LYPD6B: variants seen among roughly 807,000 people sequenced by gnomAD.
The protein encoded by LYPD6B is LY6/PLAUR domain containing 6B, also known as ly6/PLAUR domain-containing protein 6B.
LYPD6B carries 17 observed loss-of-function variants against 22.8 expected under a neutral mutation model. That is an observed-to-expected ratio of 0.75 (90% CI 0.51 to 1.12). The LOEUF (loss-of-function observed/expected upper bound fraction) is 1.12, where lower values mean the gene tolerates loss of function less well. LYPD6B is among the 50% of genes most tolerant of loss of function. The probability of loss-of-function intolerance (pLI) is 0.00; values close to 1 mark genes in which losing one functional copy is unlikely to be tolerated. For synonymous variants in LYPD6B, 106 were observed against 91.6 expected (o/e 1.16, Z -0.90); for missense variants, 221 against 258.3 (o/e 0.86, Z 0.99).
chr2:149,075,165 AT>A (rs1165204105), intron 1 of LYPD6B, among the ~76,000 whole-genome samples: 20 of 152,168 alleles, frequency 1.3e-4, no homozygotes, highest in African/African-American at 4.6e-4. Context: ...TATGCTTTTG[AT>A]TTTTAAATTC....
chr2:149,157,716 C>G (rs1235824500), intron 2 of LYPD6B, among the ~76,000 whole-genome samples: 3 of 152,196 alleles, frequency 2.0e-5, no homozygotes, highest in Non-Finnish European at 4.4e-5. Context: ...GGAGCCTCTC[C>G]CCTTTTCTTT....
At chr2:149,067,330 T>G (rs1196546835) in intron 1 of LYPD6B, among the ~76,000 whole-genome samples, 1 of 152,166 alleles carries the variant, frequency 6.6e-6, no homozygotes, top group Non-Finnish European at 1.5e-5. Flanking sequence ...ATTATGATCC[T>G]TAATAAATAT....
intron 1 of LYPD6B, among the ~76,000 whole-genome samples, chr2:149,068,306 G>A (rs1446394508): frequency 6.6e-6 from 1 of 152,036 alleles, no homozygotes; most frequent in Non-Finnish European, 1.5e-5. Context: ...TTATGTCCAC[G>A]AGTTAGACTC....
At position 149,214,655 on chromosome 2, in the gene LYPD6B, C is replaced by G; in HGVS notation, c.569C>G (p.Ala190Gly). 6.2e-7 allele frequency: 1 copy of G among 1,613,918 alleles called. No individual in the cohort carries two copies. The highest frequency in any genetic ancestry group is 8.5e-7 in the Non-Finnish European group (1 of 1,179,838). Reference protein sequence around the residue: ...MHAQRTSGSSAPTLYLPVLAW... With the variant: ...MHAQRTSGSSGPTLYLPVLAW... Reference sequence around the variant, plus strand: ...GCTCAGAGAACATCTGGCAGCAGTGCCCCCACACTCTACCTACCAGTGCTT... The same window carrying G: ...GCTCAGAGAACATCTGGCAGCAGTGGCCCCACACTCTACCTACCAGTGCTT... Residue 190 changes from alanine (A) to glycine (G), a missense_variant, in exon 7 of 7, where the codon GCC becomes GGC. Coordinates refer to ENST00000409642, the MANE Select transcript of LYPD6B (RefSeq NM_177964.5).
At chr2:149,112,926 C>T (rs1686828017) in intron 1 of LYPD6B, among the ~76,000 whole-genome samples, 1 of 151,978 alleles carries the variant, frequency 6.6e-6, no homozygotes, top group African/African-American at 2.4e-5. Context: ...ACAAAGAGTT[C>T]CTTTAAATAG....
intron 3 of LYPD6B, among the ~76,000 whole-genome samples, chr2:149,171,445 C>G (rs1365223109): frequency 6.6e-6 from 1 of 151,926 alleles, no homozygotes; most frequent in Admixed American, 6.6e-5. Flanking sequence ...TGCAAAATTC[C>G]CCTTCCCTTT....
chr2:149,126,282 G>A (rs1375673832), intron 1 of LYPD6B, among the ~76,000 whole-genome samples: 3 of 152,074 alleles, frequency 2.0e-5, no homozygotes, highest in Admixed American at 6.6e-5. Flanking sequence ...TGGGCTTAGG[G>A]GTGCTGACCC....
In LYPD6B at chr2:149,160,832, C is replaced by G. The variant is rs1329624806; in HGVS notation, c.74C>G (p.Ser25Ter). 1 of 1,550,962 alleles carries G rather than the reference C, an allele frequency of 6.4e-7. No individual in the cohort carries two copies. Among genetic ancestry groups the G allele is most frequent in the Non-Finnish European group, 8.7e-7 (1 of 1,145,966 alleles). ...AGCCTGACAACCACATTCTCCTTCTCAAGGTAAGAATGGCAGCTGTTACAA... is the reference window on the plus strand; with the variant it reads ...AGCCTGACAACCACATTCTCCTTCTGAAGGTAAGAATGGCAGCTGTTACAA... ...ERSLTTTFSFSRYKSSDRPAH... is the reference protein window; with the variant it reads ...ERSLTTTFSF The change falls in exon 3 of 7, where the codon TCA (serine) becomes TGA (stop). Residue 25 changes from serine to a stop codon, truncating the protein, a stop_gained. Transcript: ENST00000409642. LOFTEE classifies it high-confidence loss of function.
intron 1 of LYPD6B, among the ~76,000 whole-genome samples, chr2:149,080,863 AAAAAC>A (rs1273408730): frequency 1.5e-5 from 2 of 129,230 alleles, no homozygotes; most frequent in African/African-American, 5.6e-5. Context: ...AAAAAAAAAA[AAAAAC>A]CACACAAAAA....
chr2:149,067,063 T>C (rs1256052542), intron 1 of LYPD6B, among the ~76,000 whole-genome samples: 1 of 152,202 alleles, frequency 6.6e-6, no homozygotes, highest in Admixed American at 6.5e-5. Flanking sequence ...TATGTGGTAT[T>C]TGGTTTCCTG....
intron 1 of LYPD6B, among the ~76,000 whole-genome samples, chr2:149,089,339 G>C (rs1200454422): frequency 2.0e-5 from 3 of 152,192 alleles, no homozygotes; most frequent in Non-Finnish European, 4.4e-5. Flanking sequence ...TAAGGATGGG[G>C]AGGCTGCTTC....
intron 1 of LYPD6B, among the ~76,000 whole-genome samples, chr2:149,059,921 C>T (rs530697153): frequency 6.6e-6 from 1 of 152,056 alleles, no homozygotes; most frequent in Admixed American, 6.6e-5. Flanking sequence ...AAAGGTGGTT[C>T]AGGCAGGAGT....
At position 149,120,782 on chromosome 2, in the gene LYPD6B, G is replaced by GTTTTT. The variant is rs1559010612; in HGVS notation, c.-66-10100_-66-10099insTTTTT. On this transcript the variant is annotated intron_variant, in intron 1 of 6. Coordinates refer to ENST00000409642, the MANE Select transcript of LYPD6B (RefSeq NM_177964.5). ...ACATTTTTTGCTACTATGCTACAAA[G>GTTTTT]TCTTTTTTTTTTTTTTTTTTTTTGT... Among the ~76,000 whole-genome samples, 13 of 85,804 alleles carry GTTTTT rather than the reference G, an allele frequency of 1.5e-4. 1 individual carries two copies. Among genetic ancestry groups the GTTTTT allele is most frequent in the East Asian group, 1.4e-3 (3 of 2,210 alleles). 56.3% of individuals were successfully genotyped at this position (85,804 alleles called of 152,430 possible).
At chr2:149,146,310 C>A (rs7562546) in intron 2 of LYPD6B, among the ~76,000 whole-genome samples, 77,334 of 151,662 alleles carry the variant, frequency 0.51, 20,249 homozygotes, top group South Asian at 0.68. Flanking sequence ...GTGGTGCATG[C>A]ACTGAGATAG....
intron 3 of LYPD6B, among the ~76,000 whole-genome samples, chr2:149,186,666 G>A (rs1003841646): frequency 9.9e-5 from 15 of 152,166 alleles, no homozygotes; most frequent in Non-Finnish European, 1.5e-4. Flanking sequence ...GTGCAGTGGT[G>A]TGATCATGGC....
At chr2:149,072,521 T>TATTTC (rs1553478976) in intron 1 of LYPD6B, among the ~76,000 whole-genome samples, 6,754 of 143,456 alleles carry the variant, frequency 0.047, 235 homozygotes, top group African/African-American at 0.08. Context: ...TATTTTATTT[T>TATTTC]ATTTTATTTT....
chr2:149,145,429 G>A (rs1688958892), intron 2 of LYPD6B, among the ~76,000 whole-genome samples: 1 of 152,150 alleles, frequency 6.6e-6, no homozygotes, highest in African/African-American at 2.4e-5. Context: ...CACAAGCCCG[G>A]GTGCGAGAGT....
At chr2:149,107,626 T>G (rs1686542890) in intron 1 of LYPD6B, among the ~76,000 whole-genome samples, 2 of 152,244 alleles carry the variant, frequency 1.3e-5, no homozygotes. Context: ...TCCTCTTTGA[T>G]GCCTGGTTTA....
At chr2:149,040,547 A>T (rs1432903939) in intron 1 of LYPD6B, among the ~76,000 whole-genome samples, 1 of 152,102 alleles carries the variant, frequency 6.6e-6, no homozygotes, top group East Asian at 1.9e-4. Flanking sequence ...TCTTATTGAC[A>T]TACTGGACCA....
Sources: gnomAD v4.1 joint callset for allele counts (sites outside exome capture counted in the v4.1 genomes callset) on GRCh38, gnomAD v4.1.1 for gene constraint, MANE v1.5 for transcripts, NCBI Gene and HGNC (gene_info 2026-07-23, HGNC 2026-07-21) for gene names.